Variants in IFT172 observed in about 807,000 individuals in gnomAD.
IFT172 encodes intraflagellar transport 172.
Under a neutral mutation model 248.9 loss-of-function variants are expected in IFT172, and 164 were observed. That is an observed-to-expected ratio of 0.66 (90% confidence interval 0.58 to 0.75). The LOEUF is 0.75. Among genes scored for constraint, IFT172 ranks in the 30% least tolerant of loss-of-function variants. The probability of loss-of-function intolerance (pLI) is 0.00; values close to 1 mark genes in which losing one functional copy is unlikely to be tolerated. For missense variants in IFT172, 1,950 were observed against 2,192.4 expected, an observed-to-expected ratio of 0.89 and a Z score of 2.21; for synonymous variants, 729 against 791.6, an observed-to-expected ratio of 0.92 and a Z score of 1.33.
rs1222276729 is a variant in IFT172, at chr2:27,489,700, T to C, written c.-47A>G. 4 of 1,513,506 alleles carry C rather than the reference T, an allele frequency of 2.6e-6. No individual in the cohort carries two copies. The highest frequency in any genetic ancestry group is 3.6e-6 in the Non-Finnish European group (4 of 1,096,810). The allele number at this position is 1,513,506 out of a possible 1,614,324, so 93.8% of individuals were successfully genotyped here. On this transcript the variant is annotated 5_prime_UTR_variant, in exon 1 of 48. Coordinates refer to ENST00000260570, the MANE Select transcript of IFT172 (RefSeq NM_015662.3). ...TGCTCCTAGACAGCGACAACTCCCGTGGTTACCTGGACAACCCGCCACGCA... is the reference window on the plus strand; with the variant it reads ...TGCTCCTAGACAGCGACAACTCCCGCGGTTACCTGGACAACCCGCCACGCA...
chr2:27,471,992 T>A (rs943705838), intron 15 of IFT172: 10 of 535,740 alleles, frequency 1.9e-5, no homozygotes, highest in East Asian at 8.8e-5. Context: ...GAGCCCAGAT[T>A]GTACCACTGC....
chr2:27,470,427 C>T (rs1667475122), intron 16 of IFT172, among the ~76,000 whole-genome samples: 2 of 152,140 alleles, frequency 1.3e-5, no homozygotes, highest in African/African-American at 2.4e-5. Flanking sequence ...AAAAAGAAAG[C>T]ATCAAGCGCT....
intron 41 of IFT172, 63 bp downstream of exon 41, chr2:27,447,749 T>A: frequency 6.3e-7 from 1 of 1,599,924 alleles, no homozygotes. Flanking sequence ...AGAATAAAGG[T>A]TTATGTGCAT....
chr2:27,458,079 C>T, intron 27 of IFT172, 47 bp downstream of exon 27: 2 of 1,612,174 alleles, frequency 1.2e-6, no homozygotes, highest in Non-Finnish European at 1.7e-6. Context: ...TCGTCCCAGC[C>T]TTGAAATCTC....
Position 27,457,990 on chromosome 2 carries a change from T to C in IFT172, c.2976-14A>G, listed in dbSNP as rs1195917720. 6.2e-7 allele frequency: 1 copy of C among 1,613,980 alleles called. No homozygotes were observed. The highest frequency in any genetic ancestry group is 1.3e-5 in the African/African-American group (1 of 74,886). On this transcript the variant is annotated splice_polypyrimidine_tract_variant and intron_variant, in intron 27 of 47. Transcript: ENST00000260570. ...GTCACATATAGCCTGGGGAAGGAGA[T>C]ACATCTGGGGCCTCCTAGACCCGAC... is the stretch of plus-strand genomic sequence containing the variant.
In IFT172 at chr2:27,484,267, C is replaced by G; in HGVS notation, c.297-1G>C. The G allele has an allele frequency of 6.2e-7, 1 of 1,613,844 alleles. No individual in the cohort carries two copies. The highest frequency in any genetic ancestry group is 1.1e-5 in the South Asian group (1 of 91,080). On this transcript the variant is annotated splice_acceptor_variant, in intron 3 of 47. Coordinates refer to ENST00000260570, the MANE Select transcript of IFT172 (RefSeq NM_015662.3). LOFTEE classifies it high-confidence loss of function. ...GTTGCAGATGACTTTCTTGTCACCC[C>G]TGCCAAACAAAAGAAGGGGAAACAT...
intron 10 of IFT172, among the ~76,000 whole-genome samples, chr2:27,479,091 G>A (rs1033297930): frequency 1.3e-5 from 2 of 151,950 alleles, no homozygotes; most frequent in Non-Finnish European, 2.9e-5. Context: ...TGCAAGCTCC[G>A]CCTCCTGGGT....
chr2:27,449,937 T>A (rs747104116), intron 36 of IFT172, 61 bp downstream of exon 36: 25 of 1,469,662 alleles, frequency 1.7e-5, no homozygotes, highest in Non-Finnish European at 2.1e-5. Flanking sequence ...TGGGTGTAGA[T>A]GTCACCCTTG....
rs1208059735 is a variant in IFT172 at position 27,454,735 on chromosome 2, A to G, written c.3372-75T>C. 14 of 1,292,212 alleles carry G rather than the reference A, an allele frequency of 1.1e-5. No individual in the cohort carries two copies. Among genetic ancestry groups the G allele is most frequent in the Non-Finnish European group, 1.6e-5 (14 of 899,320 alleles). 80.0% of individuals were successfully genotyped at this position (1,292,212 alleles called of 1,614,324 possible). On this transcript the variant is annotated intron_variant, in intron 30 of 47. Transcript: ENST00000260570. This position sits in a 1 kb window ranked among gnomAD's most constrained non-coding sequence, Gnocchi z 4.2. ...TAAAAGGAACAAGACAAAACAGAGAAAGGACAGAGTTGAGGGGAGAAAAAG... is the reference window on the plus strand; with the variant it reads ...TAAAAGGAACAAGACAAAACAGAGAGAGGACAGAGTTGAGGGGAGAAAAAG...
intron 43 of IFT172, 94 bp downstream of exon 43, chr2:27,446,166 C>A: frequency 7.3e-7 from 1 of 1,374,700 alleles, no homozygotes; most frequent in Admixed American, 1.7e-5. Context: ...ATCAGCCCTA[C>A]ACTCAGCTTT....
At chr2:27,470,034 A>G (rs1017624822) in intron 16 of IFT172, among the ~76,000 whole-genome samples, 1 of 152,124 alleles carries the variant, frequency 6.6e-6, no homozygotes, top group Non-Finnish European at 1.5e-5. Flanking sequence ...AACAGGACAT[A>G]TAACTTTCAA....
Position 27,463,084 on chromosome 2 carries a change from G to T in IFT172, c.2022+13C>A. The T allele has an allele frequency of 6.2e-7, 1 of 1,612,022 alleles. No individual in the cohort carries two copies. The highest frequency in any genetic ancestry group is 8.5e-7 in the Non-Finnish European group (1 of 1,178,132). On this transcript the variant is annotated intron_variant, in intron 19 of 47. Transcript: ENST00000260570. ...GGGAGACAGACAGAATGAATCAGGA[G>T]CATAATACTTGCATATTCCCGGGAT...
chr2:27,471,233 C>A, intron 15 of IFT172, 138 bp from the exon 16 acceptor site: 2 of 721,430 alleles, frequency 2.8e-6, no homozygotes, highest in Non-Finnish European at 4.5e-6. Flanking sequence ...GCTTACTGAC[C>A]TGCTTTCTGC....
intron 14 of IFT172, among the ~76,000 whole-genome samples, chr2:27,475,229 C>T (rs909367461): frequency 6.6e-6 from 1 of 152,108 alleles, no homozygotes; most frequent in African/African-American, 2.4e-5. Flanking sequence ...ACTCTAACTG[C>T]TGGTGGGAAT....
In IFT172 at chr2:27,453,373, G is replaced by A; in HGVS notation, c.3951+11C>T. 1 of 1,614,176 alleles carries A rather than the reference G, an allele frequency of 6.2e-7. No individual in the cohort carries two copies. The highest frequency in any genetic ancestry group is 8.5e-7 in the Non-Finnish European group (1 of 1,180,010). ...GGAGAAGGAGGGCCAGAAAGGGCCT[G>A]CTGTCCTCACCTTCATCCAGCACTT... On this transcript the variant is annotated intron_variant, in intron 35 of 47. Coordinates refer to ENST00000260570, the MANE Select transcript of IFT172 (RefSeq NM_015662.3).
rs147288623 is a variant in IFT172 at position 27,465,468 on chromosome 2, A to G, written c.1880T>C (p.Met627Thr). The G allele has an allele frequency of 7.4e-6, 12 of 1,613,942 alleles. No individual in the cohort carries two copies. In the Admixed American group the frequency reaches 8.3e-5, roughly 11 times the overall value. Reference sequence around the variant, plus strand: ...TGCCAGTTTACTCAAGGTTTTCCACATTGCCTCTGTTTCTGGGGTCATTTC... The same window carrying G: ...TGCCAGTTTACTCAAGGTTTTCCACGTTGCCTCTGTTTCTGGGGTCATTTC... Reference protein sequence around the residue: ...TLEMTPETEAMWKTLSKLALE... With the variant: ...TLEMTPETEATWKTLSKLALE... Residue 627 changes from methionine (M) to threonine (T), a missense_variant, in exon 18 of 48, where the codon ATG becomes ACG. Coordinates refer to ENST00000260570, the MANE Select transcript of IFT172 (RefSeq NM_015662.3).
At chr2:27,457,607 A>G (rs1193182673) in intron 29 of IFT172, 32 bp downstream of exon 29, 18 of 1,554,864 alleles carry the variant, frequency 1.2e-5, no homozygotes, top group Non-Finnish European at 1.6e-5. Flanking sequence ...AGAAGGATGG[A>G]TGTATCCCTC....
chr2:27,485,443 A>C lies in IFT172; in HGVS notation c.100T>G (p.Cys34Gly). 7 of 1,614,174 alleles carry C rather than the reference A, an allele frequency of 4.3e-6. No homozygotes were observed. Among genetic ancestry groups the C allele is most frequent in the Non-Finnish European group, 5.9e-6 (7 of 1,179,998 alleles). Residue 34 changes from cysteine (C) to glycine (G), a missense_variant, in exon 2 of 48, where the codon TGC becomes GGC. Transcript: ENST00000260570. ...WSQNNAKFAV[C>G]TVDRVVLLYD... ...AGCAAGACCACTCGGTCCACTGTGCAGACAGCAAATTTGGCATTGTTCTGG... is the reference window on the plus strand; with the variant it reads ...AGCAAGACCACTCGGTCCACTGTGCCGACAGCAAATTTGGCATTGTTCTGG...
In IFT172 at chr2:27,485,412, T is replaced by C; in HGVS notation, c.131A>G (p.Asp44Gly). 2 of 1,614,196 alleles carry C rather than the reference T, an allele frequency of 1.2e-6. No homozygotes were observed. Among genetic ancestry groups the C allele is most frequent in the Non-Finnish European group, 1.7e-6 (2 of 1,180,028 alleles). Residue 44 changes from aspartate (D) to glycine (G), a missense_variant, in exon 2 of 48, where the codon GAT becomes GGT. Transcript: ENST00000260570. ...CTVDRVVLLYDEHGERRDKFS... is the reference protein window; with the variant it reads ...CTVDRVVLLYGEHGERRDKFS... ...TTTATCTCTCCGTTCTCCATGTTCA[T>C]CATACAGCAAGACCACTCGGTCCAC...
Sources: allele counts gnomAD v4.1 joint callset (sites outside exome capture counted in the v4.1 genomes callset), GRCh38; gene constraint gnomAD v4.1.1; non-coding constraint Gnocchi (gnomAD v3.1); transcripts MANE v1.5; gene names NCBI Gene and HGNC (gene_info 2026-07-23, HGNC 2026-07-21).